SPTBN2: variants seen among roughly 807,000 people sequenced by gnomAD.
SPTBN2 encodes the protein spectrin beta, non-erythrocytic 2, also known as spectrin beta chain, non-erythrocytic 2.
In SPTBN2, 107 loss-of-function variants were observed where a neutral mutation model predicts 284.2. The ratio of observed to expected loss-of-function variants is 0.38; its 90% confidence interval spans 0.32 to 0.44. SPTBN2 has a LOEUF of 0.44. SPTBN2 is among the 20% of genes least tolerant of loss of function. SPTBN2 has a pLI of 1.00. For missense variants in SPTBN2, 2,569 were observed against 3,287.1 expected, an observed-to-expected ratio of 0.78 and a Z score of 5.34; for synonymous variants, 1,289 against 1,354.8, an observed-to-expected ratio of 0.95 and a Z score of 1.07.
rs763375853 is a variant in SPTBN2 at position 66,696,472 on chromosome 11, C to T, written c.4083G>A (p.Leu1361=). ...TCTCCAGCTCGTCCCAGCGCCTGTGCAGGTCTCTCAGCTTCTCCGACACCA... is the reference window on the plus strand; with the variant it reads ...TCTCCAGCTCGTCCCAGCGCCTGTGTAGGTCTCTCAGCTTCTCCGACACCA... ...KALVSEKLRD[L]HRRWDELETT... is the part of the protein sequence containing the mutation. Residue 1361 remains leucine (L), a synonymous_variant, in exon 21 of 38, where the codon CTG becomes CTA. Coordinates refer to ENST00000533211, the MANE Select transcript of SPTBN2 (RefSeq NM_006946.4). 3.1e-6 allele frequency: 5 copies of T among 1,612,316 alleles called. No individual in the cohort carries two copies. Among genetic ancestry groups the T allele is most frequent in the Non-Finnish European group, 3.4e-6 (4 of 1,180,032 alleles).
Position 66,691,788 on chromosome 11 carries a change from T to G in SPTBN2, c.5191-130A>C. The G allele has an allele frequency of 7.2e-7, 1 of 1,384,280 alleles. No individual in the cohort carries two copies. The allele number at this position is 1,384,280 out of a possible 1,614,324, so 85.7% of individuals were successfully genotyped here. A position where few individuals can be genotyped will look rare whatever the true frequency, so the allele number is the denominator to read the frequency against. ...CGCTGCATGGGGGCCGGGACAGGTT[T>G]CTTCCCTGTGGTTAAGGAGTAGGTG... On this transcript the variant is annotated intron_variant, in intron 26 of 37. Transcript: ENST00000533211. The surrounding 1 kb of genome is among the most constrained non-coding windows in gnomAD (Gnocchi z 8.0).
chr11:66,731,477 A>G (rs1213890382), upstream of SPTBN2, among the ~76,000 whole-genome samples: 1 of 152,222 alleles, frequency 6.6e-6, no homozygotes, highest in African/African-American at 2.4e-5. Context: ...CACCAAACAT[A>G]CATACATAGC....
At chr11:66,728,276 G>C (rs908047820) in intron 1 of SPTBN2, 102 of 145,674 alleles carry the variant, frequency 7.0e-4, no homozygotes, top group African/African-American at 2.4e-3. Context: ...CCGGGCGCAC[G>C]GCGGGCGGCG....
chr11:66,721,262 C>A lies in SPTBN2; in HGVS notation c.-22G>T. The A allele has an allele frequency of 1.2e-6, 2 of 1,614,090 alleles. No individual in the cohort carries two copies. The highest frequency in any genetic ancestry group is 1.7e-6 in the Non-Finnish European group (2 of 1,179,998). On this transcript the variant is annotated splice_region_variant and 5_prime_UTR_variant, in exon 3 of 38. Transcript: ENST00000533211. Reference sequence around the variant, plus strand: ...TCATGGTGGTAGGCGGCTTCCTGCTCCTGCAAGGAGAATGTGGCCAGTGAG... The same window carrying A: ...TCATGGTGGTAGGCGGCTTCCTGCTACTGCAAGGAGAATGTGGCCAGTGAG...
intron 27 of SPTBN2, 134 bp from the exon 28 acceptor site, chr11:66,690,417 G>A: frequency 6.2e-6 from 8 of 1,292,776 alleles, no homozygotes; most frequent in Non-Finnish European, 8.3e-6. Context: ...CAGGGAGTGG[G>A]GGTGCTGGGA....
rs781276338 is a variant in SPTBN2, at chr11:66,721,183, T to C, written c.58A>G (p.Ser20Gly). Residue 20 changes from serine to glycine, a missense_variant, in exon 3 of 38, where the codon AGT becomes GGT. Coordinates refer to ENST00000533211, the MANE Select transcript of SPTBN2 (RefSeq NM_006946.4). Reference protein sequence around the residue: ...FDSLEIQGQYSDINNRWDLPD... With the variant: ...FDSLEIQGQYGDINNRWDLPD... ...AGGTCCCAGCGGTTGTTGATGTCAC[T>C]GTACTGGCCCTGGATTTCCAAGCTG... 1.2e-6 allele frequency: 2 copies of C among 1,614,138 alleles called. No individual in the cohort carries two copies. Among genetic ancestry groups the C allele is most frequent in the East Asian group, 2.2e-5 (1 of 44,872 alleles).
At position 66,699,439 on chromosome 11, in the gene SPTBN2, T is replaced by C. The variant is rs368137291; in HGVS notation, c.3743A>G (p.Lys1248Arg). ...LVSEGNIHAD[K>R]IREKADSIER... ...AATGGAGTCTGCCTTTTCCCGAATCTTGTCGGCGTGGATGTTGCCTTCAGA... is the reference window on the plus strand; with the variant it reads ...AATGGAGTCTGCCTTTTCCCGAATCCTGTCGGCGTGGATGTTGCCTTCAGA... Residue 1248 changes from lysine to arginine, a missense_variant, in exon 18 of 38, where the codon AAG (lysine) becomes AGG (arginine). Around this residue, in one of 6 missense-constraint regions of SPTBN2, gnomAD observed 1,012 missense variants for 1,248.9 expected, o/e 0.81. Coordinates refer to ENST00000533211, the MANE Select transcript of SPTBN2 (RefSeq NM_006946.4). 3.5e-5 allele frequency: 56 copies of C among 1,614,014 alleles called. No homozygotes were observed. The highest frequency in any genetic ancestry group is 4.7e-5 in the Non-Finnish European group (56 of 1,180,024).
chr11:66,721,149 G>A lies in SPTBN2; in HGVS notation c.92C>T (p.Ser31Leu), dbSNP rs147766428. 1,473 of 1,614,140 alleles carry A rather than the reference G, an allele frequency of 9.1e-4. 4 individuals are homozygous for A. The highest frequency in any genetic ancestry group is 1.1e-3 in the Non-Finnish European group (1,335 of 1,180,038). ...CGAGCTGCTGTCATTGTCCCAGTCC[G>A]AGTCAGGAAGGTCCCAGCGGTTGTT... ...DINNRWDLPD[S>L]DWDNDSSSAR... Residue 31 changes from serine to leucine, a missense_variant, in exon 3 of 38, where the codon TCG becomes TTG. Coordinates refer to ENST00000533211, the MANE Select transcript of SPTBN2 (RefSeq NM_006946.4).
At chr11:66,734,262 T>C (rs1249216928) in intron 1 of SPTBN2, among the ~76,000 whole-genome samples, 1 of 152,128 alleles carries the variant, frequency 6.6e-6, no homozygotes, top group African/African-American at 2.4e-5. Flanking sequence ...GCGCTCTTCC[T>C]GGGCCATCTT....
chr11:66,720,464 T>C (rs1184949505), intron 3 of SPTBN2, among the ~76,000 whole-genome samples: 1 of 152,164 alleles, frequency 6.6e-6, no homozygotes, highest in Non-Finnish European at 1.5e-5. Context: ...TTGGACGAGT[T>C]TCCGCTCAGA....
chr11:66,702,807 G>A (rs576981157), intron 15 of SPTBN2, among the ~76,000 whole-genome samples: 34 of 151,420 alleles, frequency 2.2e-4, no homozygotes, highest in African/African-American at 7.0e-4. Flanking sequence ...GTGTGGTGGC[G>A]GGTGCCTGTA....
Position 66,708,857 on chromosome 11 carries a change from C to T in SPTBN2, c.1191+45G>A, listed in dbSNP as rs1941706609. On this transcript the variant is annotated intron_variant, in intron 11 of 37. Transcript: ENST00000533211. The surrounding 1 kb of genome is among the most constrained non-coding windows in gnomAD (Gnocchi z 4.4). ...TGGGGATGTGTGCAAGGCATCTGGG[C>T]CAGGGCCTGCCCTGAGGGTGGGTGG... 6.5e-7 allele frequency: 1 copy of T among 1,541,444 alleles called. No homozygotes were observed. The highest frequency in any genetic ancestry group is 9.0e-7 in the Non-Finnish European group (1 of 1,115,106).
chr11:66,709,387 A>G (rs1004384275), intron 10 of SPTBN2, among the ~76,000 whole-genome samples: 26 of 152,272 alleles, frequency 1.7e-4, no homozygotes, highest in African/African-American at 6.0e-4. Context: ...CATGCTGGCC[A>G]GGCTGGTCTC....
Position 66,715,071 on chromosome 11 carries a change from T to C in SPTBN2, c.483+151A>G. Reference sequence around the variant, plus strand: ...CTGCTGAAAGAGGGGAGTCCACTGATCTGGTGCTTGGATAGCGCCGCCATG... The same window carrying C: ...CTGCTGAAAGAGGGGAGTCCACTGACCTGGTGCTTGGATAGCGCCGCCATG... On this transcript the variant is annotated intron_variant, in intron 5 of 37. Coordinates refer to ENST00000533211, the MANE Select transcript of SPTBN2 (RefSeq NM_006946.4). The surrounding 1 kb of genome is among the most constrained non-coding windows in gnomAD (Gnocchi z 5.3). 2 of 985,982 alleles carry C rather than the reference T, an allele frequency of 2.0e-6. No homozygotes were observed. Among genetic ancestry groups the C allele is most frequent in the Non-Finnish European group, 3.1e-6 (2 of 651,708 alleles). 61.1% of individuals were successfully genotyped at this position (985,982 alleles called of 1,614,324 possible).
chr11:66,712,900 A>C (rs967538502), intron 8 of SPTBN2: 3 of 153,068 alleles, frequency 2.0e-5, no homozygotes, highest in Non-Finnish European at 2.9e-5. Flanking sequence ...TTTAGTGTAG[A>C]TATCCAATCA....
At chr11:66,701,502 G>A in intron 16 of SPTBN2, 82 bp downstream of exon 16, 1 of 1,604,054 alleles carries the variant, frequency 6.2e-7, no homozygotes. Flanking sequence ...ACCCTTCCAG[G>A]CCCTACAAAA....
intron 8 of SPTBN2, among the ~76,000 whole-genome samples, chr11:66,711,287 T>C (rs1175366693): frequency 6.6e-6 from 1 of 152,018 alleles, no homozygotes; most frequent in East Asian, 1.9e-4. Flanking sequence ...TACCCAGAGT[T>C]CCCCGTGGAG....
chr11:66,692,488 C>G (rs778689101), intron 26 of SPTBN2, 48 bp downstream of exon 26: 1 of 1,595,016 alleles, frequency 6.3e-7, no homozygotes, highest in Non-Finnish European at 8.5e-7. Flanking sequence ...TGTGGGTCCT[C>G]CACTCTTCCC....
chr11:66,729,068 A>AC lies in SPTBN2; in HGVS notation c.-442dup, dbSNP rs1354441280. The AC allele has an allele frequency of 1.7e-5, 2 of 119,354 alleles. No homozygotes were observed. Among genetic ancestry groups the AC allele is most frequent in the Non-Finnish European group, 3.3e-5 (2 of 60,062 alleles). The allele number at this position is 119,354 out of a possible 1,614,324, so 7.4% of individuals were successfully genotyped here. On this transcript the variant is annotated 5_prime_UTR_variant, in exon 1 of 38. An upstream open reading frame in the 5' UTR gains an earlier in-frame stop. Transcript: ENST00000533211. The stretch of plus-strand genomic sequence containing the variant: ...CAACCAGGAGAATTCCGGCCTAGTC[A>AC]CCGTCTTGAGGGGGGTGGGGGTGGG...
Sources: allele counts gnomAD v4.1 joint callset (sites outside exome capture counted in the v4.1 genomes callset), GRCh38; gene constraint gnomAD v4.1.1; regional missense constraint gnomAD v4.1.1; non-coding constraint Gnocchi (gnomAD v3.1); transcripts MANE v1.5; gene names NCBI Gene and HGNC (gene_info 2026-07-23, HGNC 2026-07-21).